PARN: variants seen among roughly 807,000 people sequenced by gnomAD.
PARN encodes poly(A)-specific ribonuclease PARN.
PARN carries 71 observed loss-of-function variants against 102.8 expected under a neutral mutation model. That is an observed-to-expected ratio of 0.69 (90% CI 0.57 to 0.84). The LOEUF (loss-of-function observed/expected upper bound fraction) is 0.84, where lower values mean the gene tolerates loss of function less well. Among genes scored for constraint, PARN ranks in the 40% least tolerant of loss-of-function variants. The probability of loss-of-function intolerance (pLI) is 0.00; values close to 1 mark genes in which losing one functional copy is unlikely to be tolerated. For missense variants in PARN, 782 were observed against 760.9 expected, an observed-to-expected ratio of 1.03 and a Z score of -0.33; for synonymous variants, 261 against 252.9, an observed-to-expected ratio of 1.03 and a Z score of -0.30.
At chr16:14,451,110 A>C (rs1961424536) in intron 22 of PARN, among the ~76,000 whole-genome samples, 1 of 152,162 alleles carries the variant, frequency 6.6e-6, no homozygotes, top group Non-Finnish European at 1.5e-5. Flanking sequence ...ATATAGGTTT[A>C]CCTAATGAAG....
At chr16:14,450,156 G>A (rs762254345) in intron 22 of PARN, among the ~76,000 whole-genome samples, 9 of 152,154 alleles carry the variant, frequency 5.9e-5, no homozygotes, top group South Asian at 2.1e-4. Flanking sequence ...TCAAAGAACC[G>A]AAAATGATTA....
chr16:14,493,763 G>C (rs188865803), intron 21 of PARN, among the ~76,000 whole-genome samples: 64 of 152,334 alleles, frequency 4.2e-4, no homozygotes, highest in Non-Finnish European at 8.4e-4. Flanking sequence ...CTACTGCTTA[G>C]GCTGTAAGTT....
At chr16:14,552,161 C>G in intron 20 of PARN, 66 bp from the exon 21 acceptor site, 1 of 930,098 alleles carries the variant, frequency 1.1e-6, no homozygotes, top group African/African-American at 1.6e-5. Context: ...ATTTAATGCG[C>G]GTATCTTACA....
At chr16:14,541,983 T>A (rs1458201549) in intron 21 of PARN, among the ~76,000 whole-genome samples, 1 of 151,950 alleles carries the variant, frequency 6.6e-6, no homozygotes, top group African/African-American at 2.4e-5. Flanking sequence ...AACCCTCAGA[T>A]GATGCAGATG....
chr16:14,556,722 A>C (rs1967712535), intron 18 of PARN, among the ~76,000 whole-genome samples: 1 of 152,170 alleles, frequency 6.6e-6, no homozygotes, highest in South Asian at 2.1e-4. Flanking sequence ...ATCTATGAAC[A>C]AGTGTTCCTA....
chr16:14,504,481 C>T (rs930932300), intron 21 of PARN, among the ~76,000 whole-genome samples: 3 of 152,148 alleles, frequency 2.0e-5, no homozygotes, highest in Admixed American at 2.0e-4. Context: ...ATAGCTTGAA[C>T]CCAGGAGGCG....
chr16:14,581,775 G>A (rs1236895416), intron 17 of PARN, among the ~76,000 whole-genome samples: 2 of 152,130 alleles, frequency 1.3e-5, no homozygotes, highest in Non-Finnish European at 2.9e-5. Flanking sequence ...TAAAAAGTTA[G>A]CCAGGCACAG....
intron 18 of PARN, among the ~76,000 whole-genome samples, chr16:14,575,189 C>T (rs1211550636): frequency 6.6e-6 from 1 of 152,186 alleles, no homozygotes; most frequent in Non-Finnish European, 1.5e-5. Context: ...AGAACCCCCA[C>T]ACAGAGTCCC....
At chr16:14,463,747 T>C (rs1226147274) in intron 22 of PARN, among the ~76,000 whole-genome samples, 1 of 148,910 alleles carries the variant, frequency 6.7e-6, no homozygotes. Flanking sequence ...TATACATGAG[T>C]AATTGGAGTC....
intron 11 of PARN, among the ~76,000 whole-genome samples, chr16:14,601,635 T>C (rs533880399): frequency 8.5e-5 from 13 of 152,134 alleles, no homozygotes; most frequent in Admixed American, 7.9e-4. Context: ...AAAATTTTTT[T>C]GGGGGGGTCA....
At chr16:14,494,664 G>A (rs1362329142) in intron 21 of PARN, among the ~76,000 whole-genome samples, 1 of 152,228 alleles carries the variant, frequency 6.6e-6, no homozygotes, top group Non-Finnish European at 1.5e-5. Flanking sequence ...ACGATGCGCA[G>A]AGGAGCGCCA....
chr16:14,572,316 T>C (rs780315380), intron 18 of PARN, among the ~76,000 whole-genome samples: 36 of 151,218 alleles, frequency 2.4e-4, no homozygotes, highest in Non-Finnish European at 1.3e-4. Context: ...TGTCCGTTAC[T>C]GGCGAGAGGG....
intron 21 of PARN, among the ~76,000 whole-genome samples, chr16:14,502,074 G>C (rs1242867450): frequency 2.0e-5 from 3 of 152,168 alleles, no homozygotes; most frequent in African/African-American, 7.2e-5. Flanking sequence ...GTACACTCTG[G>C]GGTAGACAGC....
intron 22 of PARN, among the ~76,000 whole-genome samples, chr16:14,471,165 ACT>A (rs1046801046): frequency 3.3e-5 from 5 of 152,004 alleles, no homozygotes; most frequent in African/African-American, 4.8e-5. Flanking sequence ...GACACTTCAC[ACT>A]CTCACTCGAT....
intron 6 of PARN, among the ~76,000 whole-genome samples, chr16:14,613,704 G>A (rs999271586): frequency 2.6e-5 from 4 of 152,304 alleles, no homozygotes; most frequent in African/African-American, 4.8e-5. Flanking sequence ...ATCAGTCAAC[G>A]ATAATTGCTT....
chr16:14,436,513 A>G lies in PARN; in HGVS notation c.*204T>C. ...CAGCCTACAACCGTGATGAGTGTCA[A>G]TGTCAACAGGCAGTTAGATTAAAAA... is the stretch of plus-strand genomic sequence containing the variant. On this transcript the variant is annotated 3_prime_UTR_variant, in exon 24 of 24. Transcript: ENST00000437198. The G allele has an allele frequency of 1.7e-6, 1 of 600,934 alleles. No homozygotes were observed. The highest frequency in any genetic ancestry group is 2.8e-5 in the East Asian group (1 of 36,262). The allele number at this position is 600,934 out of a possible 1,614,324, so 37.2% of individuals were successfully genotyped here.
At chr16:14,503,454 G>A (rs1964726351) in intron 21 of PARN, among the ~76,000 whole-genome samples, 1 of 152,196 alleles carries the variant, frequency 6.6e-6, no homozygotes, top group African/African-American at 2.4e-5. Flanking sequence ...GGAAAGATGA[G>A]GGCAGCCTAA....
chr16:14,540,266 G>T (rs1447949086), intron 21 of PARN, among the ~76,000 whole-genome samples: 1 of 152,092 alleles, frequency 6.6e-6, no homozygotes, highest in African/African-American at 2.4e-5. Context: ...TACTGTAAAC[G>T]AATTCTACAT....
At chr16:14,569,541 A>C (rs1281568430) in intron 18 of PARN, among the ~76,000 whole-genome samples, 1 of 152,192 alleles carries the variant, frequency 6.6e-6, no homozygotes, top group East Asian at 1.9e-4. Context: ...AAGCCACCCT[A>C]GCTGAGATGT....
Sources: gnomAD v4.1 joint callset for allele counts (sites outside exome capture counted in the v4.1 genomes callset) on GRCh38, gnomAD v4.1.1 for gene constraint, MANE v1.5 for transcripts, NCBI Gene and HGNC (gene_info 2026-07-23, HGNC 2026-07-21) for gene names.